Variants in DCDC1 observed in about 807,000 individuals in gnomAD.
The protein encoded by DCDC1 is doublecortin domain-containing protein 1.
DCDC1 carries 200 observed loss-of-function variants against 178.3 expected under a neutral mutation model. The observed-to-expected ratio is 1.12, with a 90% confidence interval of 1.00 to 1.26. The LOEUF is 1.26. Ranked by LOEUF, DCDC1 falls within the 50% of genes most tolerant of loss-of-function variation. DCDC1 has a pLI of 0.00. For synonymous variants in DCDC1, 690 were observed against 604.8 expected, an observed-to-expected ratio of 1.14 and a Z score of -2.07; for missense variants, 1,983 against 1,749.2, an observed-to-expected ratio of 1.13 and a Z score of -2.38.
At chr11:31,053,515 G>T (rs961146559) in intron 20 of DCDC1, among the ~76,000 whole-genome samples, 1 of 151,850 alleles carries the variant, frequency 6.6e-6, no homozygotes, top group Non-Finnish European at 1.5e-5. Flanking sequence ...AACCCAGAAA[G>T]GACATAACCA....
intron 9 of DCDC1, among the ~76,000 whole-genome samples, chr11:31,207,088 T>C (rs967729928): frequency 6.6e-6 from 1 of 152,202 alleles, no homozygotes; most frequent in Non-Finnish European, 1.5e-5. Context: ...CAGTATAGTA[T>C]GACATACCTT....
intron 34 of DCDC1, among the ~76,000 whole-genome samples, chr11:30,898,337 G>A (rs273563): frequency 0.65 from 98,179 of 151,980 alleles, 32,178 homozygotes; most frequent in Middle Eastern, 0.8. Context: ...GACCAGTTAG[G>A]AAACTGTTCC....
intron 20 of DCDC1, among the ~76,000 whole-genome samples, chr11:31,031,153 C>G (rs1953598850): frequency 6.6e-6 from 1 of 152,046 alleles, no homozygotes; most frequent in Non-Finnish European, 1.5e-5. Flanking sequence ...GAATCACGAA[C>G]ATGTAAGGAT....
rs1444956491 is a variant in DCDC1 at position 30,905,246 on chromosome 11, G to A, written c.4105-82C>T. On this transcript the variant is annotated intron_variant, in intron 30 of 38. Coordinates refer to ENST00000684477, the MANE Select transcript of DCDC1 (RefSeq NM_001387274.1). Reference sequence around the variant, plus strand: ...TACACTTTAGTCTCTTAATAAATGTGTGTATACGTGTGTGGTGTCTACATT... The same window carrying A: ...TACACTTTAGTCTCTTAATAAATGTATGTATACGTGTGTGGTGTCTACATT... 2.2e-6 allele frequency: 3 copies of A among 1,340,756 alleles called. No homozygotes were observed. In the African/African-American group the frequency reaches 4.4e-5, roughly 20 times the overall value. The allele number at this position is 1,340,756 out of a possible 1,614,324, so 83.1% of individuals were successfully genotyped here.
intron 11 of DCDC1, among the ~76,000 whole-genome samples, chr11:31,124,032 G>C (rs138461062): frequency 1.3e-5 from 2 of 152,028 alleles, no homozygotes; most frequent in Admixed American, 1.3e-4. Flanking sequence ...GGTATGGAAA[G>C]TATTTTAAAG....
chr11:31,111,281 T>C (rs1959170958), intron 11 of DCDC1, among the ~76,000 whole-genome samples: 2 of 151,760 alleles, frequency 1.3e-5, no homozygotes, highest in Admixed American at 6.6e-5. Flanking sequence ...TGGAAGAATA[T>C]TTATTTAAAA....
chr11:31,325,092 T>G (rs1949576676), intron 3 of DCDC1, among the ~76,000 whole-genome samples: 1 of 152,110 alleles, frequency 6.6e-6, no homozygotes, highest in African/African-American at 2.4e-5. Context: ...TGGTTGAAAA[T>G]CATTAAAACA....
intron 17 of DCDC1, among the ~76,000 whole-genome samples, chr11:31,082,596 GATATCT>G (rs113955320): frequency 0.49 from 73,493 of 151,022 alleles, 18,050 homozygotes; most frequent in African/African-American, 0.57. Flanking sequence ...TATAGATATA[GATATCT>G]ATATCTATAC....
intron 9 of DCDC1, among the ~76,000 whole-genome samples, chr11:31,190,069 T>A (rs1476582313): frequency 6.6e-6 from 1 of 152,138 alleles, no homozygotes; most frequent in African/African-American, 2.4e-5. Flanking sequence ...GAACCACTAT[T>A]TTAAGGGTGT....
chr11:30,941,068 C>A (rs1033974869), intron 21 of DCDC1, among the ~76,000 whole-genome samples: 22 of 152,174 alleles, frequency 1.4e-4, no homozygotes, highest in Middle Eastern at 3.4e-3. Flanking sequence ...TTAACTTAAT[C>A]TATCAGTTAA....
chr11:30,971,618 T>G (rs1949794064), intron 20 of DCDC1, among the ~76,000 whole-genome samples: 1 of 142,682 alleles, frequency 7.0e-6, no homozygotes, highest in Admixed American at 7.0e-5. Context: ...TTTTTTTTTT[T>G]TTTTTTTTTG....
At chr11:31,043,501 T>A (rs1954616368) in intron 20 of DCDC1, among the ~76,000 whole-genome samples, 1 of 150,442 alleles carries the variant, frequency 6.6e-6, no homozygotes, top group Non-Finnish European at 1.5e-5. Flanking sequence ...CCCTAATGGA[T>A]TTTTTTTTTC....
chr11:30,957,248 A>C (rs1210524731), intron 20 of DCDC1, among the ~76,000 whole-genome samples: 1 of 152,102 alleles, frequency 6.6e-6, no homozygotes, highest in Admixed American at 6.6e-5. Flanking sequence ...ACATGGAAAA[A>C]AGAACCCTCT....
chr11:31,152,491 T>C (rs1468796404), intron 9 of DCDC1, among the ~76,000 whole-genome samples: 1 of 152,238 alleles, frequency 6.6e-6, no homozygotes, highest in Non-Finnish European at 1.5e-5. Flanking sequence ...TAGGCAGAGA[T>C]AACAAGTAAA....
intron 20 of DCDC1, among the ~76,000 whole-genome samples, chr11:30,977,233 A>G (rs1437716192): frequency 6.6e-6 from 1 of 151,434 alleles, no homozygotes; most frequent in African/African-American, 2.5e-5. Context: ...ATACAAACAT[A>G]TAGTTAGAAG....
intron 20 of DCDC1, among the ~76,000 whole-genome samples, chr11:30,953,973 T>C (rs1379136253): frequency 1.3e-5 from 2 of 151,416 alleles, no homozygotes; most frequent in African/African-American, 4.8e-5. Context: ...AAGAGTATAT[T>C]ATGCATGTAT....
chr11:31,213,100 C>CCTCCCTCTCTCTCT (rs1972854492), intron 9 of DCDC1, among the ~76,000 whole-genome samples: 1 of 44,242 alleles, frequency 2.3e-5, no homozygotes, highest in African/African-American at 8.5e-5. Context: ...TAAAGCCCAG[C>CCTCCCTCTCTCTCT]CTCTCTCTCT....
At chr11:31,001,310 G>T (rs1170045612) in intron 20 of DCDC1, among the ~76,000 whole-genome samples, 1 of 151,854 alleles carries the variant, frequency 6.6e-6, no homozygotes, top group East Asian at 1.9e-4. Flanking sequence ...AAGTTATTTT[G>T]CCATGAAAGC....
chr11:31,286,820 G>C (rs1946872413), intron 7 of DCDC1, among the ~76,000 whole-genome samples: 1 of 152,048 alleles, frequency 6.6e-6, no homozygotes, highest in African/African-American at 2.4e-5. Context: ...GCTATCAGAA[G>C]AGTAGACATG....
Sources: allele counts gnomAD v4.1 joint callset (sites outside exome capture counted in the v4.1 genomes callset), GRCh38; gene constraint gnomAD v4.1.1; transcripts MANE v1.5; gene names NCBI Gene and HGNC (gene_info 2026-07-23, HGNC 2026-07-21).